The following XCR1 variants were observed in gnomAD, a reference collection of about 807,000 sequenced individuals.
The protein encoded by XCR1 is chemokine XC receptor 1.
For synonymous variants in XCR1, 187 were observed against 188.5 expected, an observed-to-expected ratio of 0.99 and a Z score of 0.06; for missense variants, 356 against 424.2, an observed-to-expected ratio of 0.84 and a Z score of 1.41.
intron 2 of XCR1, among the ~76,000 whole-genome samples, chr3:46,075,548 A>G (rs1698243924): frequency 6.6e-6 from 1 of 152,198 alleles, no homozygotes; most frequent in African/African-American, 2.4e-5. Flanking sequence ...AACTATTAAA[A>G]TGAAAAACAT....
intron 5 of XCR1, among the ~76,000 whole-genome samples, chr3:46,047,489 A>G (rs557329771): frequency 1.3e-5 from 2 of 152,260 alleles, no homozygotes; most frequent in South Asian, 4.1e-4. Context: ...CCAAAAAGAC[A>G]TAAGGATTAA....
intron 4 of XCR1, among the ~76,000 whole-genome samples, chr3:46,060,274 C>T (rs1430873115): frequency 3.3e-5 from 5 of 152,150 alleles, no homozygotes; most frequent in African/African-American, 1.2e-4. Context: ...TGGTGGGTGA[C>T]CCCAATCTTC....
At chr3:46,071,646 T>A (rs1698165186) in intron 3 of XCR1, among the ~76,000 whole-genome samples, 1 of 152,338 alleles carries the variant, frequency 6.6e-6, no homozygotes, top group Non-Finnish European at 1.5e-5. Context: ...GATACAAGGA[T>A]GATTCAACAT....
intron 1 of XCR1, among the ~76,000 whole-genome samples, chr3:46,077,586 C>A (rs1450344805): frequency 6.6e-6 from 1 of 152,122 alleles, no homozygotes; most frequent in Non-Finnish European, 1.5e-5. Context: ...TCCCCTACTC[C>A]TCCTAGGTCT....
chr3:46,062,941 G>T (rs1254235697), intron 4 of XCR1, among the ~76,000 whole-genome samples: 1 of 152,208 alleles, frequency 6.6e-6, no homozygotes, highest in Non-Finnish European at 1.5e-5. Flanking sequence ...TAGGAAAGTT[G>T]CAAGCTTGAA....
At chr3:46,054,389 T>C (rs28454181) in intron 4 of XCR1, among the ~76,000 whole-genome samples, 6 of 152,178 alleles carry the variant, frequency 3.9e-5, no homozygotes, top group African/African-American at 1.2e-4. Flanking sequence ...AGATCCTGCG[T>C]TCATGATAAA....
At chr3:46,044,729 G>C (rs761650565) in intron 5 of XCR1, among the ~76,000 whole-genome samples, 3 of 152,112 alleles carry the variant, frequency 2.0e-5, no homozygotes, top group Admixed American at 6.5e-5. Flanking sequence ...ACAACTCTAT[G>C]CCTGCAAATC....
chr3:46,039,866 G>C (rs2125897420), intron 5 of XCR1, among the ~76,000 whole-genome samples: 1 of 152,218 alleles, frequency 6.6e-6, no homozygotes, highest in East Asian at 1.9e-4. Flanking sequence ...GCCAGTGTCT[G>C]GGCCAGTGTG....
chr3:46,049,377 C>G (rs1439584980), intron 5 of XCR1, among the ~76,000 whole-genome samples: 2 of 152,186 alleles, frequency 1.3e-5, no homozygotes, highest in African/African-American at 4.8e-5. Flanking sequence ...AAACACAGAA[C>G]CAATCAGTTT....
intron 2 of XCR1, among the ~76,000 whole-genome samples, chr3:46,075,380 CACAA>C (rs1698241553): frequency 7.1e-6 from 1 of 140,424 alleles, no homozygotes; most frequent in African/African-American, 2.7e-5. Context: ...TGACCTTATA[CACAA>C]ATTAACTCAA....
chr3:46,073,019 G>A (rs2125903122), intron 3 of XCR1, among the ~76,000 whole-genome samples: 1 of 152,194 alleles, frequency 6.6e-6, no homozygotes, highest in African/African-American at 2.4e-5. Context: ...ACACACTGGG[G>A]AAAAGATACC....
chr3:46,030,798 A>C (rs1350341818), upstream of XCR1, among the ~76,000 whole-genome samples: 2 of 152,202 alleles, frequency 1.3e-5, no homozygotes, highest in Non-Finnish European at 2.9e-5. Context: ...AGCTTACTGC[A>C]CACCACCCCT....
In XCR1 at chr3:46,019,214, T is replaced by C. The variant is rs1263956014; in HGVS notation, c.*1732A>G. On this transcript the variant is annotated 3_prime_UTR_variant, in exon 2 of 2. Transcript: ENST00000309285. ...GAGAGTGTAGACTAGGAAAGAAAGGTTAATATTTATAGAGAAGCAGCCTGG... is the reference window on the plus strand; with the variant it reads ...GAGAGTGTAGACTAGGAAAGAAAGGCTAATATTTATAGAGAAGCAGCCTGG... The C allele has an allele frequency of 1.3e-5, 2 of 151,998 alleles. No homozygotes were observed. The highest frequency in any genetic ancestry group is 4.8e-5 in the African/African-American group (2 of 41,376). The allele number at this position is 151,998 out of a possible 1,614,324, so 9.4% of individuals were successfully genotyped here. A position where few individuals can be genotyped will look rare whatever the true frequency, so the allele number is the denominator to read the frequency against.
intron 1 of XCR1, among the ~76,000 whole-genome samples, chr3:46,077,684 T>A (rs1025653637): frequency 1.3e-5 from 2 of 152,192 alleles, no homozygotes; most frequent in African/African-American, 4.8e-5. Flanking sequence ...AGCCAATCAC[T>A]AATCAATGTT....
chr3:46,054,119 C>G (rs4683171), intron 4 of XCR1, among the ~76,000 whole-genome samples: 1 of 152,036 alleles, frequency 6.6e-6, no homozygotes, highest in African/African-American at 2.4e-5. Context: ...GACAAAAGAG[C>G]ATATTTGGAA....
At chr3:46,062,808 C>A (rs1166935735) in intron 4 of XCR1, among the ~76,000 whole-genome samples, 2 of 152,218 alleles carry the variant, frequency 1.3e-5, no homozygotes, top group Non-Finnish European at 2.9e-5. Flanking sequence ...CCTGTCGTCT[C>A]CGATGGAACT....
chr3:46,025,090 G>A (rs924745494), intron 1 of XCR1, among the ~76,000 whole-genome samples: 2 of 152,132 alleles, frequency 1.3e-5, no homozygotes, highest in East Asian at 1.9e-4. Flanking sequence ...AAGAATAAAC[G>A]TCTAAAATCT....
upstream of XCR1, among the ~76,000 whole-genome samples, chr3:46,031,036 G>A (rs148489563): frequency 1.4e-3 from 208 of 152,360 alleles, 1 homozygote; most frequent in Middle Eastern, 0.01. Context: ...CGGAGAGGAG[G>A]TGTGGCTGGG....
chr3:46,024,798 T>C (rs1708254632), intron 1 of XCR1, among the ~76,000 whole-genome samples: 1 of 152,214 alleles, frequency 6.6e-6, no homozygotes, highest in East Asian at 1.9e-4. Context: ...GTATAATGCA[T>C]CATTTGAAAA....
Sources: gnomAD v4.1 joint callset for allele counts (sites outside exome capture counted in the v4.1 genomes callset) on GRCh38, gnomAD v4.1.1 for gene constraint, MANE v1.5 for transcripts, NCBI Gene and HGNC (gene_info 2026-07-23, HGNC 2026-07-21) for gene names.